CLMN: variants seen among roughly 807,000 people sequenced by gnomAD.
The protein encoded by CLMN is calmin.
CLMN carries 57 observed loss-of-function variants against 92.7 expected under a neutral mutation model. The observed-to-expected ratio is 0.61, with a 90% CI of 0.50 to 0.77. CLMN has a LOEUF of 0.77. Ranked by LOEUF, CLMN falls within the 30% of genes least tolerant of loss-of-function variation. The pLI is 0.00. For missense variants in CLMN, 1,158 were observed against 1,237.5 expected, an observed-to-expected ratio of 0.94 and a Z score of 0.96; for synonymous variants, 466 against 470.6, an observed-to-expected ratio of 0.99 and a Z score of 0.13.
chr14:95,228,734 G>C (rs994296488), intron 2 of CLMN, among the ~76,000 whole-genome samples: 2 of 152,196 alleles, frequency 1.3e-5, no homozygotes, highest in Non-Finnish European at 2.9e-5. Context: ...GAGTGCAGTG[G>C]TGCGATCTCA....
chr14:95,297,819 A>G (rs1188046675), intron 1 of CLMN, among the ~76,000 whole-genome samples: 1 of 68,632 alleles, frequency 1.5e-5, no homozygotes, highest in Non-Finnish European at 3.4e-5. Flanking sequence ...AGGCACACAC[A>G]CACACACACA....
rs375253852 is a variant in CLMN at position 95,220,860 on chromosome 14, C to T, written c.324+831G>A. On this transcript the variant is annotated intron_variant, in intron 4 of 12. Transcript: ENST00000298912. ...CTGCCCAGAGGTTGCAGGGGCAGGG[C>T]GGTGAGGGCATGTCCTGCCGTCTCT... is the stretch of plus-strand genomic sequence containing the variant. 1.3e-3 allele frequency among the ~76,000 whole-genome samples: 199 copies of T among 152,298 alleles called. 3 individuals carry two copies. The highest frequency in any genetic ancestry group is 4.7e-3 in the African/African-American group (197 of 41,576).
Position 95,194,417 on chromosome 14 carries a change from T to C in CLMN, c.2769+119A>G. ...AAGGTTCCAATCTGCTTGTCTTCTA[T>C]CCAAAAGTATAGCTGTTGCATGCCA... On this transcript the variant is annotated intron_variant, in intron 11 of 12. Coordinates refer to ENST00000298912, the MANE Select transcript of CLMN (RefSeq NM_024734.4). This position sits in a 1 kb window ranked among gnomAD's most constrained non-coding sequence, Gnocchi z 4.0. 6.4e-7 allele frequency: 1 copy of C among 1,564,432 alleles called. No individual in the cohort carries two copies. The highest frequency in any genetic ancestry group is 1.7e-4 in the Middle Eastern group (1 of 5,906).
At chr14:95,277,165 G>A (rs138148414) in intron 1 of CLMN, among the ~76,000 whole-genome samples, 1 of 152,348 alleles carries the variant, frequency 6.6e-6, no homozygotes, top group African/African-American at 2.4e-5. Context: ...ATGGGAAAAA[G>A]GACTGGTGAG....
Position 95,231,955 on chromosome 14 carries a change from G to A in CLMN, c.83-1822C>T, listed in dbSNP as rs192744919. ...AGGTGCTATTATGACCTTCAGATGG[G>A]ACAATCGCGCCCAGGGAGATGTTGT... On this transcript the variant is annotated intron_variant, in intron 1 of 12. Transcript: ENST00000298912. 1.4e-3 allele frequency among the ~76,000 whole-genome samples: 214 copies of A among 152,352 alleles called. 1 individual carries two copies. The highest frequency in any genetic ancestry group is 4.6e-3 in the African/African-American group (193 of 41,584).
intron 1 of CLMN, among the ~76,000 whole-genome samples, chr14:95,293,128 C>T (rs1291539806): frequency 4.2e-5 from 5 of 118,268 alleles, no homozygotes; most frequent in African/African-American, 7.0e-5. Flanking sequence ...TCCCTCCTTC[C>T]CTCCCTCCTT....
rs1900761082 is a variant in CLMN, at chr14:95,295,411, G to T, written c.82+24300C>A. 3.9e-5 allele frequency among the ~76,000 whole-genome samples: 6 copies of T among 152,304 alleles called. No homozygotes were observed. In the South Asian group the frequency reaches 1.2e-3, roughly 32 times the overall value. On this transcript the variant is annotated intron_variant, in intron 1 of 12. Coordinates refer to ENST00000298912, the MANE Select transcript of CLMN (RefSeq NM_024734.4). The stretch of plus-strand genomic sequence containing the variant: ...GAACAGAGAGGTGAGTAAGACGCAG[G>T]CTCTCCCTGGGGGGATAGCCCAGCA...
At chr14:95,210,582 T>G in intron 7 of CLMN, 104 bp downstream of exon 7, 1 of 1,207,376 alleles carries the variant, frequency 8.3e-7, no homozygotes. Context: ...AGAAAAAATC[T>G]TCTTCATTAG....
chr14:95,234,215 A>G (rs1897978416), intron 1 of CLMN, among the ~76,000 whole-genome samples: 1 of 152,106 alleles, frequency 6.6e-6, no homozygotes, highest in Non-Finnish European at 1.5e-5. Context: ...AGATTAAATG[A>G]TATCAGCCCA....
At chr14:95,205,722 G>A (rs1897029085) in intron 8 of CLMN, among the ~76,000 whole-genome samples, 1 of 151,978 alleles carries the variant, frequency 6.6e-6, no homozygotes, top group Non-Finnish European at 1.5e-5. Context: ...AATATGCATT[G>A]TACTTGAAGT....
In CLMN at chr14:95,186,187, A is replaced by T. The variant is rs1896435914; in HGVS notation, c.*5377T>A. On this transcript the variant is annotated 3_prime_UTR_variant, in exon 13 of 13. Transcript: ENST00000298912. ...CTCTTAAATGAGGCACTGAACGCTT[A>T]CATAATTCCTGAGGTTTTCGAACAG... The T allele has an allele frequency of 6.6e-6, 1 of 152,262 alleles. No individual in the cohort carries two copies. The highest frequency in any genetic ancestry group is 1.5e-5 in the Non-Finnish European group (1 of 68,056). 9.4% of individuals were successfully genotyped at this position (152,262 alleles called of 1,614,324 possible). A position where few individuals can be genotyped will look rare whatever the true frequency, so the allele number is the denominator to read the frequency against.
At chr14:95,236,764 C>T in intron 1 of CLMN, among the ~76,000 whole-genome samples, 1 of 152,216 alleles carries the variant, frequency 6.6e-6, no homozygotes, top group East Asian at 1.9e-4. Flanking sequence ...AATGTCAGTT[C>T]TGTACTTGGG....
chr14:95,242,885 T>A (rs752861023), intron 1 of CLMN, among the ~76,000 whole-genome samples: 1 of 152,226 alleles, frequency 6.6e-6, no homozygotes, highest in African/African-American at 2.4e-5. Flanking sequence ...CTATTTTTAA[T>A]GTACCCCAGG....
At position 95,319,747 on chromosome 14, in the gene CLMN, C is replaced by T. The variant is rs201470524; in HGVS notation, c.46G>A (p.Gly16Arg). The change falls in exon 1 of 13, where the codon GGG (glycine) becomes AGG (arginine). Residue 16 changes from glycine to arginine, a missense_variant. By Grantham distance (125) the Gly-to-Arg change is moderately radical. Coordinates refer to ENST00000298912, the MANE Select transcript of CLMN (RefSeq NM_024734.4). ...TGCACTCGGATGTCGCTAATCTGCC[C>T]GATGAGCTCCTCGCGTTGGAACCAG... is the stretch of plus-strand genomic sequence containing the variant. Reference protein sequence around the residue: ...WDWFQREELIGQISDIRVQNL... With the variant: ...WDWFQREELIRQISDIRVQNL... The T allele has an allele frequency of 2.6e-4, 421 of 1,598,036 alleles. No homozygotes were observed. The highest frequency in any genetic ancestry group is 2.2e-4 in the Non-Finnish European group (261 of 1,176,172).
chr14:95,206,385 T>C (rs546681778), intron 8 of CLMN, among the ~76,000 whole-genome samples: 13 of 152,218 alleles, frequency 8.5e-5, no homozygotes, highest in African/African-American at 2.4e-4. Flanking sequence ...AGTATAAATA[T>C]AGAATACTAG....
At chr14:95,293,246 T>TTCCCTCCCTCCTTCCC (rs1259416281) in intron 1 of CLMN, among the ~76,000 whole-genome samples, 1 of 63,764 alleles carries the variant, frequency 1.6e-5, no homozygotes, top group African/African-American at 5.8e-5. Context: ...CCCTCCTTCC[T>TTCCCTCCCTCCTTCCC]TCCCTCCCTC....
At chr14:95,309,160 C>T (rs1285797836) in intron 1 of CLMN, among the ~76,000 whole-genome samples, 1 of 152,152 alleles carries the variant, frequency 6.6e-6, no homozygotes, top group East Asian at 1.9e-4. Flanking sequence ...TCTTTGGCAA[C>T]TGAAGTCCCT....
chr14:95,252,888 C>A (rs985463895), intron 1 of CLMN, among the ~76,000 whole-genome samples: 1 of 152,150 alleles, frequency 6.6e-6, no homozygotes, highest in South Asian at 2.1e-4. Flanking sequence ...CATCGGGAAC[C>A]CTTCCAGTCT....
chr14:95,253,780 T>C (rs1432861682), intron 1 of CLMN, among the ~76,000 whole-genome samples: 2 of 151,354 alleles, frequency 1.3e-5, no homozygotes, highest in Non-Finnish European at 2.9e-5. Context: ...TCCTGGCTAA[T>C]TTTTTTTGTA....
Sources: allele counts gnomAD v4.1 joint callset (sites outside exome capture counted in the v4.1 genomes callset), GRCh38; gene constraint gnomAD v4.1.1; non-coding constraint Gnocchi (gnomAD v3.1); transcripts MANE v1.5; gene names NCBI Gene and HGNC (gene_info 2026-07-23, HGNC 2026-07-21).